MCF2L2: variants seen among roughly 807,000 people sequenced by gnomAD.
MCF2L2 encodes probable guanine nucleotide exchange factor MCF2L2.
MCF2L2 carries 102 observed loss-of-function variants against 150.2 expected under a neutral mutation model. The observed-to-expected ratio is 0.68, with a 90% CI of 0.58 to 0.80. MCF2L2 has a LOEUF of 0.80. Ranked by LOEUF, MCF2L2 falls within the 30% of genes least tolerant of loss-of-function variation. The probability of loss-of-function intolerance (pLI) is 0.00; values close to 1 mark genes in which losing one functional copy is unlikely to be tolerated. For synonymous variants in MCF2L2, 465 were observed against 491.3 expected, an observed-to-expected ratio of 0.95 and a Z score of 0.71; for missense variants, 1,256 against 1,372.8, an observed-to-expected ratio of 0.91 and a Z score of 1.34.
intron 9 of MCF2L2, among the ~76,000 whole-genome samples, chr3:183,310,170 G>A (rs559124990): frequency 2.7e-4 from 41 of 152,082 alleles, no homozygotes; most frequent in African/African-American, 9.4e-4. Flanking sequence ...AGGCCAGCCT[G>A]GGCAACATAG....
At chr3:183,385,503 T>C (rs1480095808) in intron 2 of MCF2L2, among the ~76,000 whole-genome samples, 1 of 152,198 alleles carries the variant, frequency 6.6e-6, no homozygotes, top group Non-Finnish European at 1.5e-5. Context: ...CCTAAGAGTA[T>C]TGAGCAGTTG....
chr3:183,226,614 G>T (rs1723355224), intron 18 of MCF2L2: 2 of 152,102 alleles, frequency 1.3e-5, no homozygotes, highest in South Asian at 2.1e-4. Context: ...ATTCAGAAAA[G>T]GTATTTAGTT....
chr3:183,279,687 G>C (rs1260918493), intron 14 of MCF2L2, among the ~76,000 whole-genome samples: 1 of 152,162 alleles, frequency 6.6e-6, no homozygotes, highest in Non-Finnish European at 1.5e-5. Context: ...GAAGAAAAAG[G>C]GTGGCAAAAA....
At position 183,238,090 on chromosome 3, in the gene MCF2L2, T is replaced by C. The variant is rs187337546; in HGVS notation, c.1863-7073A>G. On this transcript the variant is annotated intron_variant, in intron 15 of 29. Coordinates refer to ENST00000328913, the MANE Select transcript of MCF2L2 (RefSeq NM_015078.4). Reference sequence around the variant, plus strand: ...ATAGTTTGTTATAATTTCTGTTCTTTTACATTTGCTGAGGAGAGCTTTACT... The same window carrying C: ...ATAGTTTGTTATAATTTCTGTTCTTCTACATTTGCTGAGGAGAGCTTTACT... Among the ~76,000 whole-genome samples the C allele has an allele frequency of 5.9e-3, 891 of 151,664 alleles. 13 individuals carry two copies. Among genetic ancestry groups the C allele is most frequent in the East Asian group, 0.033 (168 of 5,138 alleles).
At chr3:183,324,331 G>A (rs1244495800) in intron 5 of MCF2L2, among the ~76,000 whole-genome samples, 5 of 152,118 alleles carry the variant, frequency 3.3e-5, no homozygotes, top group Admixed American at 3.3e-4. Context: ...TCTGGCCTGG[G>A]TGTGGTTCTG....
At chr3:183,400,247 A>C in intron 1 of MCF2L2, 1 of 331,656 alleles carries the variant, frequency 3.0e-6, no homozygotes, top group Admixed American at 4.4e-5. Context: ...CTGCAAAGTA[A>C]GATTTTTTTT....
chr3:183,281,597 G>T (rs78140835), intron 14 of MCF2L2, among the ~76,000 whole-genome samples: 2 of 152,218 alleles, frequency 1.3e-5, no homozygotes, highest in Non-Finnish European at 2.9e-5. Context: ...ACTATTTCCA[G>T]GAGAGTTAAA....
intron 27 of MCF2L2, among the ~76,000 whole-genome samples, chr3:183,186,083 G>A (rs1285620163): frequency 2.0e-5 from 3 of 152,082 alleles, no homozygotes; most frequent in Non-Finnish European, 4.4e-5. Flanking sequence ...GCCCTCAAAT[G>A]TTCTGGATTG....
In MCF2L2 at chr3:183,341,263, G is replaced by T. The variant is rs528306967; in HGVS notation, c.366+277C>A. Among the ~76,000 whole-genome samples the T allele has an allele frequency of 1.2e-3, 184 of 152,292 alleles. 3 individuals carry two copies. The highest frequency in any genetic ancestry group is 4.4e-3 in the African/African-American group (181 of 41,556). Reference sequence around the variant, plus strand: ...TCAGTGGTTGCAGGTTACTCCCCGGGCATTAACTTTCCAGCACTCCCCAAC... The same window carrying T: ...TCAGTGGTTGCAGGTTACTCCCCGGTCATTAACTTTCCAGCACTCCCCAAC... On this transcript the variant is annotated intron_variant, in intron 4 of 29. Coordinates refer to ENST00000328913, the MANE Select transcript of MCF2L2 (RefSeq NM_015078.4).
chr3:183,234,606 T>C (rs1054256985), intron 15 of MCF2L2, among the ~76,000 whole-genome samples: 3 of 151,754 alleles, frequency 2.0e-5, no homozygotes, highest in Admixed American at 6.6e-5. Flanking sequence ...AGCCCTCACA[T>C]CAGTGTTAGG....
intron 27 of MCF2L2, among the ~76,000 whole-genome samples, chr3:183,180,586 A>T (rs969899251): frequency 3.9e-4 from 60 of 151,956 alleles, no homozygotes; most frequent in Non-Finnish European, 1.9e-4. Context: ...ACTGCTCCCC[A>T]TAAGGGAAAA....
intron 15 of MCF2L2, among the ~76,000 whole-genome samples, chr3:183,232,974 G>T (rs1043453528): frequency 1.3e-5 from 2 of 152,130 alleles, no homozygotes; most frequent in African/African-American, 4.8e-5. Flanking sequence ...TCACTTCTAG[G>T]AATGTTCATT....
chr3:183,359,976 A>G (rs969601712), intron 3 of MCF2L2, among the ~76,000 whole-genome samples: 2 of 152,234 alleles, frequency 1.3e-5, no homozygotes, highest in Non-Finnish European at 2.9e-5. Context: ...AATTTTTAAC[A>G]TTGATTATGA....
intron 15 of MCF2L2, chr3:183,269,857 T>C (rs1176913018): frequency 1.2e-6 from 2 of 1,613,926 alleles, no homozygotes; most frequent in Middle Eastern, 1.7e-4. Flanking sequence ...ATTCAGTTAT[T>C]TGCTACTTGT....
chr3:183,273,126 G>A, intron 15 of MCF2L2: 1 of 821,274 alleles, frequency 1.2e-6, no homozygotes, highest in Non-Finnish European at 1.8e-6. Context: ...GTGCTCCAGT[G>A]TAGGGCTATC....
chr3:183,297,882 T>G (rs530349519), intron 11 of MCF2L2: 3 of 152,372 alleles, frequency 2.0e-5, no homozygotes, highest in Admixed American at 6.5e-5. Context: ...ATGTAATCAA[T>G]GGCTTTTGGG....
At chr3:183,209,898 A>G (rs1459866102) in intron 22 of MCF2L2, among the ~76,000 whole-genome samples, 1 of 152,130 alleles carries the variant, frequency 6.6e-6, no homozygotes, top group Non-Finnish European at 1.5e-5. Flanking sequence ...CATCTGCAAC[A>G]TAACTCAGTA....
At position 183,270,753 on chromosome 3, in the gene MCF2L2, A is replaced by C; in HGVS notation, c.1862+6119T>G. The C allele has an allele frequency of 6.2e-7, 1 of 1,613,772 alleles. No individual in the cohort carries two copies. The highest frequency in any genetic ancestry group is 8.5e-7 in the Non-Finnish European group (1 of 1,179,904). On this transcript the variant is annotated intron_variant, in intron 15 of 29. Coordinates refer to ENST00000328913, the MANE Select transcript of MCF2L2 (RefSeq NM_015078.4). This position sits in a 1 kb window ranked among gnomAD's most constrained non-coding sequence, Gnocchi z 4.5. ...TTATCATCCCTGCATCTATGAAAAAATGATGACATCTCATGGACACTTAGA... is the reference window on the plus strand; with the variant it reads ...TTATCATCCCTGCATCTATGAAAAACTGATGACATCTCATGGACACTTAGA...
chr3:183,423,683 G>C (rs551657290), intron 1 of MCF2L2, among the ~76,000 whole-genome samples: 2 of 130,358 alleles, frequency 1.5e-5, no homozygotes, highest in East Asian at 2.3e-4. Flanking sequence ...CTGTCACCCA[G>C]GCTGGAGTGC....
Sources: gnomAD v4.1 joint callset for allele counts (sites outside exome capture counted in the v4.1 genomes callset) on GRCh38, gnomAD v4.1.1 for gene constraint, Gnocchi (gnomAD v3.1) non-coding constraint, MANE v1.5 for transcripts, NCBI Gene and HGNC (gene_info 2026-07-23, HGNC 2026-07-21) for gene names.